The following COL5A1 variants were observed in gnomAD, a reference collection of about 807,000 sequenced individuals.
The protein encoded by COL5A1 is collagen alpha-1(V) chain.
In COL5A1, 16 loss-of-function variants were observed where a neutral mutation model predicts 263.7. That is an observed-to-expected ratio of 0.06 (90% CI 0.04 to 0.09). COL5A1 has a LOEUF of 0.09. Among genes scored for constraint, COL5A1 ranks in the 10% least tolerant of loss-of-function variants. The probability of loss-of-function intolerance (pLI) is 1.00; values close to 1 mark genes in which losing one functional copy is unlikely to be tolerated. For missense variants in COL5A1, 2,036 were observed against 2,540.5 expected (o/e 0.80, Z 4.27); for synonymous variants, 1,012 against 1,004.5 (o/e 1.01, Z -0.14).
chr9:134,685,656 T>TCATCCATCCAC (rs368102484), intron 1 of COL5A1, among the ~76,000 whole-genome samples: 1 of 126,392 alleles, frequency 7.9e-6, no homozygotes, highest in African/African-American at 3.2e-5. Flanking sequence ...ATGCATCCAT[T>TCATCCATCCAC]CATCCATCCA....
At chr9:134,767,246 C>G in intron 23 of COL5A1, 64 bp from the exon 24 acceptor site, 1 of 1,538,348 alleles carries the variant, frequency 6.5e-7, no homozygotes, top group South Asian at 1.1e-5. Flanking sequence ...GGACAGATGG[C>G]AGGGGAGGGT....
intron 63 of COL5A1, among the ~76,000 whole-genome samples, chr9:134,829,687 G>T (rs1260680169): frequency 6.6e-6 from 1 of 151,102 alleles, no homozygotes; most frequent in Non-Finnish European, 1.5e-5. Flanking sequence ...TCTCCCCAAG[G>T]GCTGGGGCCC....
At chr9:134,654,484 A>G (rs1363369878) in intron 1 of COL5A1, among the ~76,000 whole-genome samples, 24 of 34,788 alleles carry the variant, frequency 6.9e-4, no homozygotes, top group Admixed American at 1.1e-3. Flanking sequence ...GTAGGGCTGG[A>G]GTTGTGTAGA....
chr9:134,766,935 G>A, intron 22 of COL5A1, 65 bp from the exon 23 acceptor site: 2 of 1,474,910 alleles, frequency 1.4e-6, no homozygotes, highest in South Asian at 1.2e-5. Context: ...GGGGGCACAC[G>A]ACACCCAGGA....
At position 134,760,203 on chromosome 9, in the gene COL5A1, TCA is replaced by T. The variant is rs756335352; in HGVS notation, c.1936-1721_1936-1720del. 2.1e-4 allele frequency among the ~76,000 whole-genome samples: 12 copies of T among 58,520 alleles called. 1 individual carries two copies. Among genetic ancestry groups the T allele is most frequent in the East Asian group, 1.6e-3 (3 of 1,910 alleles). 38.4% of individuals were successfully genotyped at this position (58,520 alleles called of 152,430 possible). On this transcript the variant is annotated intron_variant, in intron 18 of 65. Transcript: ENST00000371817. ...CACATACACCCCCACACCCCCACACTCATACACACATGCACACACCACATGCA... is the reference window on the plus strand; with the variant it reads ...CACATACACCCCCACACCCCCACACTTACACACATGCACACACCACATGCA...
intron 42 of COL5A1, among the ~76,000 whole-genome samples, chr9:134,808,524 T>G (rs747456804): frequency 8.5e-5 from 13 of 152,262 alleles, no homozygotes; most frequent in Non-Finnish European, 1.2e-4. Flanking sequence ...TCAGTGTGCT[T>G]CTTTATATGT....
At chr9:134,804,911 C>G (rs1301529787) in intron 39 of COL5A1, 64 bp from the exon 40 acceptor site, 10 of 1,432,478 alleles carry the variant, frequency 7.0e-6, no homozygotes, top group Non-Finnish European at 8.8e-6. Flanking sequence ...TGGCTTCGCT[C>G]TGGGGCTGGT....
intron 11 of COL5A1, among the ~76,000 whole-genome samples, chr9:134,747,929 A>G (rs1388497349): frequency 6.9e-5 from 10 of 144,906 alleles, no homozygotes; most frequent in Admixed American, 4.8e-4. Flanking sequence ...ATGCATTCAT[A>G]CACACATGCA....
At chr9:134,835,837 A>T (rs1400532346) in intron 65 of COL5A1, among the ~76,000 whole-genome samples, 2 of 152,034 alleles carry the variant, frequency 1.3e-5, no homozygotes, top group African/African-American at 4.8e-5. Context: ...AGCTGGGCTC[A>T]CCTCCGCTAA....
chr9:134,744,775 A>G (rs1343945135), intron 11 of COL5A1, among the ~76,000 whole-genome samples: 5 of 151,038 alleles, frequency 3.3e-5, no homozygotes, highest in Admixed American at 2.0e-4. Flanking sequence ...GCTCACTCAT[A>G]CATGCACACA....
chr9:134,720,217 G>C (rs551176735), intron 4 of COL5A1, among the ~76,000 whole-genome samples: 1 of 152,288 alleles, frequency 6.6e-6, no homozygotes, highest in Admixed American at 6.5e-5. Context: ...TTCTTTGGCT[G>C]TGCGTGCGCG....
At chr9:134,708,683 T>G (rs1833930648) in intron 4 of COL5A1, 1 of 518,294 alleles carries the variant, frequency 1.9e-6, no homozygotes, top group Middle Eastern at 3.2e-4. Flanking sequence ...CCTGCTTTGC[T>G]GAGACCTCCT....
chr9:134,748,966 C>T (rs1374280218), intron 11 of COL5A1, among the ~76,000 whole-genome samples: 9 of 152,346 alleles, frequency 5.9e-5, no homozygotes, highest in Non-Finnish European at 1.0e-4. Flanking sequence ...AGACTGGGCG[C>T]GGTGGCTTAT....
chr9:134,720,658 CTG>C (rs1834418835), intron 4 of COL5A1, among the ~76,000 whole-genome samples: 1 of 152,242 alleles, frequency 6.6e-6, no homozygotes, highest in Admixed American at 6.5e-5. Context: ...TCGGGCAGAG[CTG>C]TGTGTTTGGT....
Position 134,795,759 on chromosome 9 carries a change from G to A in COL5A1, c.2799+444G>A, listed in dbSNP as rs762899638. 3.9e-5 allele frequency among the ~76,000 whole-genome samples: 6 copies of A among 152,244 alleles called. No individual in the cohort carries two copies. In the East Asian group the frequency reaches 1.2e-3, roughly 29 times the overall value. ...CCTCATGCACATTCTTCCCACCGAG[G>A]GGCATTGAAGCCACTCCTTGGGTGG... is the stretch of plus-strand genomic sequence containing the variant. On this transcript the variant is annotated intron_variant, in intron 34 of 65. Transcript: ENST00000371817.
intron 2 of COL5A1, among the ~76,000 whole-genome samples, 169 bp downstream of exon 2, chr9:134,691,248 G>A (rs1456340905): frequency 4.6e-5 from 7 of 152,264 alleles, no homozygotes; most frequent in Admixed American, 1.3e-4. Flanking sequence ...AGTTGCAACA[G>A]TGGGATTTTG....
At chr9:134,750,506 C>T (rs751627945) in intron 11 of COL5A1, 36 bp from the exon 12 acceptor site, 3 of 1,597,288 alleles carry the variant, frequency 1.9e-6, no homozygotes, top group Non-Finnish European at 2.6e-6. Context: ...GGCCTGGTTG[C>T]ACTCTGACTT....
At chr9:134,767,514 A>G (rs534098299) in intron 24 of COL5A1, among the ~76,000 whole-genome samples, 160 bp downstream of exon 24, 1 of 152,216 alleles carries the variant, frequency 6.6e-6, no homozygotes, top group Admixed American at 6.5e-5. Context: ...GGCCAGAAGC[A>G]TGAGGAGGAT....
chr9:134,805,708 G>A (rs55775808), intron 41 of COL5A1, among the ~76,000 whole-genome samples: 6,877 of 152,240 alleles, frequency 0.045, 198 homozygotes, highest in African/African-American at 0.081. Flanking sequence ...CCTAGAAAAC[G>A]CACCCCATGG....
Sources: allele counts gnomAD v4.1 joint callset (sites outside exome capture counted in the v4.1 genomes callset), GRCh38; gene constraint gnomAD v4.1.1; transcripts MANE v1.5; gene names NCBI Gene and HGNC (gene_info 2026-07-23, HGNC 2026-07-21).